The following PLS1 variants were observed in gnomAD, a reference collection of about 807,000 sequenced individuals.
PLS1 encodes the protein plastin 1.
In PLS1, 32 loss-of-function variants were observed where a neutral mutation model predicts 73.7. The observed-to-expected ratio is 0.43, with a 90% confidence interval of 0.33 to 0.58. The LOEUF (loss-of-function observed/expected upper bound fraction) is 0.58. Among genes scored for constraint, PLS1 ranks in the 20% least tolerant of loss-of-function variants. The pLI is 0.04. For synonymous variants in PLS1, 217 were observed against 261.3 expected (o/e 0.83, Z 1.63); for missense variants, 633 against 740.5 (o/e 0.85, Z 1.68).
chr3:142,696,760 A>AATG (rs397799819), intron 11 of PLS1, among the ~76,000 whole-genome samples: 1 of 145,698 alleles, frequency 6.9e-6, no homozygotes, highest in East Asian at 2.0e-4. Context: ...TAATAATAAT[A>AATG]CCATACTAGA....
At chr3:142,619,911 C>A (rs561969144) in intron 1 of PLS1, among the ~76,000 whole-genome samples, 12 of 151,990 alleles carry the variant, frequency 7.9e-5, no homozygotes, top group Non-Finnish European at 1.5e-4. Context: ...CTTTTTTCTT[C>A]TATTTTTTAA....
chr3:142,599,178 GAATAAATA>G (rs199708068), intron 1 of PLS1, among the ~76,000 whole-genome samples: 254 of 147,066 alleles, frequency 1.7e-3, no homozygotes, highest in Middle Eastern at 0.01. Context: ...ATGAATGAAT[GAATAAATA>G]AATAAATAAA....
intron 14 of PLS1, among the ~76,000 whole-genome samples, chr3:142,707,798 G>T (rs1052728151): frequency 6.6e-6 from 1 of 152,206 alleles, no homozygotes; most frequent in Non-Finnish European, 1.5e-5. Context: ...AGTATGGGGT[G>T]TCAGCAATAC....
At chr3:142,644,363 A>G (rs2036907433) in intron 1 of PLS1, among the ~76,000 whole-genome samples, 1 of 151,802 alleles carries the variant, frequency 6.6e-6, no homozygotes, top group African/African-American at 2.4e-5. Flanking sequence ...GGATTCTCCT[A>G]CCTCAGCCTC....
intron 1 of PLS1, among the ~76,000 whole-genome samples, chr3:142,653,968 A>G (rs1022740991): frequency 1.3e-5 from 2 of 152,192 alleles, no homozygotes; most frequent in Admixed American, 1.3e-4. Context: ...AGCCCAGCCA[A>G]ATAGGATTTA....
At chr3:142,633,684 A>C (rs2036615274) in intron 1 of PLS1, among the ~76,000 whole-genome samples, 1 of 152,110 alleles carries the variant, frequency 6.6e-6, no homozygotes, top group South Asian at 2.1e-4. Context: ...AAAACAAAAC[A>C]AAAAACATGG....
rs192351659 is a variant in PLS1 at position 142,713,506 on chromosome 3, A to G, written c.*1499A>G. The G allele has an allele frequency of 1.7e-3, 260 of 152,648 alleles. No homozygotes were observed. Among genetic ancestry groups the G allele is most frequent in the African/African-American group, 5.4e-3 (226 of 41,550 alleles). The allele number at this position is 152,648 out of a possible 1,614,324, so 9.5% of individuals were successfully genotyped here. On this transcript the variant is annotated 3_prime_UTR_variant, in exon 16 of 16. Transcript: ENST00000457734. ...ATGATTGTTTTCTTAAGATTAAGAT[A>G]TGTTCTTGCTCTTTTATAAGATTAT...
chr3:142,613,501 TAAAA>T (rs895263939), intron 1 of PLS1, among the ~76,000 whole-genome samples: 9 of 151,592 alleles, frequency 5.9e-5, no homozygotes, highest in African/African-American at 1.9e-4. Context: ...GTTTTCAACT[TAAAA>T]AAAGAAAAGA....
At chr3:142,693,311 C>A (rs574085882) in intron 10 of PLS1, among the ~76,000 whole-genome samples, 1 of 152,156 alleles carries the variant, frequency 6.6e-6, no homozygotes, top group Non-Finnish European at 1.5e-5. Context: ...GCGTTCCTAT[C>A]ATGGGTGTGC....
chr3:142,674,207 C>T (rs1458351831), intron 4 of PLS1, among the ~76,000 whole-genome samples: 2 of 152,110 alleles, frequency 1.3e-5, no homozygotes, highest in Admixed American at 1.3e-4. Context: ...CTAAAAAATT[C>T]CTCAATGGCA....
chr3:142,674,184 T>G (rs1560062203), intron 4 of PLS1, among the ~76,000 whole-genome samples: 2 of 152,204 alleles, frequency 1.3e-5, no homozygotes, highest in Non-Finnish European at 2.9e-5. Flanking sequence ...TGTATATTTG[T>G]TTTACAATTA....
chr3:142,652,916 G>A (rs953335027), intron 1 of PLS1, among the ~76,000 whole-genome samples: 1 of 152,328 alleles, frequency 6.6e-6, no homozygotes, highest in South Asian at 2.1e-4. Context: ...CAAATCCCAT[G>A]TGTTAAAAAG....
Position 142,671,128 on chromosome 3 carries a change from T to C in PLS1, c.364+6T>C. ...CACACAGCATTCTTATTCAGGTAACTGACTTCTCCAAATTTGATCTTTTAG... is the reference window on the plus strand; with the variant it reads ...CACACAGCATTCTTATTCAGGTAACCGACTTCTCCAAATTTGATCTTTTAG... On this transcript the variant is annotated splice_donor_region_variant and intron_variant, in intron 4 of 15. Transcript: ENST00000457734. The C allele has an allele frequency of 6.2e-7, 1 of 1,609,948 alleles. No homozygotes were observed. The highest frequency in any genetic ancestry group is 8.5e-7 in the Non-Finnish European group (1 of 1,176,922).
chr3:142,605,706 C>T (rs921534648), intron 1 of PLS1, among the ~76,000 whole-genome samples: 1 of 152,140 alleles, frequency 6.6e-6, no homozygotes, highest in African/African-American at 2.4e-5. Flanking sequence ...AATTTATGTG[C>T]AATTTTTATA....
At chr3:142,689,916 AGT>A (rs1168978149) in intron 10 of PLS1, 103 bp downstream of exon 10, 3 of 727,948 alleles carry the variant, frequency 4.1e-6, no homozygotes, top group Non-Finnish European at 6.6e-6. Flanking sequence ...AATGCAATTT[AGT>A]GTGTGTAGGT....
chr3:142,644,441 T>C (rs1438251820), intron 1 of PLS1, among the ~76,000 whole-genome samples: 2 of 151,948 alleles, frequency 1.3e-5, no homozygotes, highest in Non-Finnish European at 2.9e-5. Flanking sequence ...TTCATAGAGA[T>C]GGGGTCTCTC....
At chr3:142,701,497 C>G (rs1283241990) in intron 12 of PLS1, among the ~76,000 whole-genome samples, 4 of 152,164 alleles carry the variant, frequency 2.6e-5, no homozygotes, top group Non-Finnish European at 5.9e-5. Flanking sequence ...GATGCTCAAC[C>G]TGTACTACCA....
intron 1 of PLS1, among the ~76,000 whole-genome samples, chr3:142,628,328 A>AGT (rs930221300): frequency 6.7e-6 from 1 of 149,902 alleles, no homozygotes; most frequent in Non-Finnish European, 1.5e-5. Flanking sequence ...CCCAGAATAT[A>AGT]GTGTGTGTGT....
chr3:142,631,208 C>A (rs1250664299), intron 1 of PLS1, among the ~76,000 whole-genome samples: 1 of 151,244 alleles, frequency 6.6e-6, no homozygotes, highest in African/African-American at 2.4e-5. Context: ...AAAATCCTGT[C>A]TCTATAAAAA....
Sources: gnomAD v4.1 joint callset for allele counts (sites outside exome capture counted in the v4.1 genomes callset) on GRCh38, gnomAD v4.1.1 for gene constraint, MANE v1.5 for transcripts, NCBI Gene and HGNC (gene_info 2026-07-23, HGNC 2026-07-21) for gene names.